The following TAX1BP1 variants were observed in gnomAD, a reference collection of about 807,000 sequenced individuals.
TAX1BP1 encodes the protein tax1-binding protein 1.
TAX1BP1 carries 62 observed loss-of-function variants against 97.7 expected under a neutral mutation model. The observed-to-expected ratio is 0.63, with a 90% CI of 0.52 to 0.78. TAX1BP1 has a LOEUF of 0.78. Among genes scored for constraint, TAX1BP1 ranks in the 30% least tolerant of loss-of-function variants. TAX1BP1 has a pLI of 0.00. For synonymous variants in TAX1BP1, 340 were observed against 304.2 expected (o/e 1.12, Z -1.23); for missense variants, 867 against 916.1 (o/e 0.95, Z 0.69).
chr7:27,799,753 A>C (rs1312826199), intron 12 of TAX1BP1, among the ~76,000 whole-genome samples: 1 of 152,160 alleles, frequency 6.6e-6, no homozygotes, highest in Non-Finnish European at 1.5e-5. Context: ...CAATTTGTAC[A>C]TCTGCCTTAT....
At chr7:27,764,537 T>G (rs535168989) in intron 3 of TAX1BP1, among the ~76,000 whole-genome samples, 1 of 152,338 alleles carries the variant, frequency 6.6e-6, no homozygotes, top group South Asian at 2.1e-4. Flanking sequence ...ATTGCTTGTT[T>G]AAGATTGTGT....
At position 27,757,999 on chromosome 7, in the gene TAX1BP1, A is replaced by T. The variant is rs533007487; in HGVS notation, c.163-32A>T. On this transcript the variant is annotated intron_variant, in intron 2 of 16. Coordinates refer to ENST00000396319, the MANE Select transcript of TAX1BP1 (RefSeq NM_006024.7). ...GAGCCTAATATTAAACTATTTGCTTATAAATCCGCCTTTTTTGTTATTTCC... is the reference window on the plus strand; with the variant it reads ...GAGCCTAATATTAAACTATTTGCTTTTAAATCCGCCTTTTTTGTTATTTCC... 1.4e-5 allele frequency: 21 copies of T among 1,482,832 alleles called. No individual in the cohort carries two copies. The Admixed American group carries it at 3.2e-4, about 23-fold the overall frequency. 91.9% of individuals were successfully genotyped at this position (1,482,832 alleles called of 1,614,324 possible). A position where few individuals can be genotyped will look rare whatever the true frequency, so the allele number is the denominator to read the frequency against.
rs1414516769 is a variant in TAX1BP1, at chr7:27,791,347, T to C, written c.1039-659T>C. Among the ~76,000 whole-genome samples the C allele has an allele frequency of 2.0e-5, 3 of 152,196 alleles. 1 individual carries two copies. The South Asian group carries it at 6.2e-4, about 31-fold the overall frequency. On this transcript the variant is annotated intron_variant, in intron 8 of 16. Coordinates refer to ENST00000396319, the MANE Select transcript of TAX1BP1 (RefSeq NM_006024.7). ...TTGTGTTTATAATGTTTAAATGTTA[T>C]AATGTTTAAACATTAATATTAAAGG...
At position 27,792,016 on chromosome 7, in the gene TAX1BP1, G is replaced by A; in HGVS notation, c.1049G>A (p.Cys350Tyr). Residue 350 changes from cysteine (C) to tyrosine (Y), a missense_variant, in exon 9 of 17, where the codon TGT becomes TAT. Around this residue, in one of 3 missense-constraint regions of TAX1BP1, gnomAD observed 822 missense variants for 851.4 expected, o/e 0.97. Coordinates refer to ENST00000396319, the MANE Select transcript of TAX1BP1 (RefSeq NM_006024.7). ...LLTTSSKEDT[C>Y]FLKEQLRKAE... ...ATCTGCTTTCTTCAGGAAGATACTTGTTTTTTAAAGGAGCAACTTCGTAAA... is the reference window on the plus strand; with the variant it reads ...ATCTGCTTTCTTCAGGAAGATACTTATTTTTTAAAGGAGCAACTTCGTAAA... 6.2e-7 allele frequency: 1 copy of A among 1,613,892 alleles called. No homozygotes were observed. The highest frequency in any genetic ancestry group is 8.5e-7 in the Non-Finnish European group (1 of 1,179,912).
chr7:27,773,572 T>C (rs565268618), intron 5 of TAX1BP1, among the ~76,000 whole-genome samples: 59 of 152,210 alleles, frequency 3.9e-4, no homozygotes, highest in African/African-American at 1.3e-3. Context: ...TGTGACTGGC[T>C]TATTTCACTT....
Position 27,758,062 on chromosome 7 carries a change from C to T in TAX1BP1, c.194C>T (p.Thr65Met), listed in dbSNP as rs1215987454. 11 of 1,611,536 alleles carry T rather than the reference C, an allele frequency of 6.8e-6. No homozygotes were observed. The highest frequency in any genetic ancestry group is 9.3e-6 in the Non-Finnish European group (11 of 1,178,930). ...TGGAGTACTGCTCGTGATTATTACA[C>T]GTTTTTATGGTCCCCTATGCCTGAA... ...VGWSTARDYYTFLWSPMPEHY... is the reference protein window; with the variant it reads ...VGWSTARDYYMFLWSPMPEHY... Residue 65 changes from threonine to methionine, a missense_variant, in exon 3 of 17, where the codon ACG becomes ATG. Physicochemically the swap from Thr to Met is moderately conservative, Grantham distance 81 (BLOSUM62 -1). Around this residue, in one of 3 missense-constraint regions of TAX1BP1, gnomAD observed 822 missense variants for 851.4 expected, o/e 0.97. Coordinates refer to ENST00000396319, the MANE Select transcript of TAX1BP1 (RefSeq NM_006024.7).
Position 27,754,766 on chromosome 7 carries a change from G to C in TAX1BP1, c.163-3265G>C, listed in dbSNP as rs1788148550. The stretch of plus-strand genomic sequence containing the variant: ...TTTTTTAAATTTTTTTTTATTTTTA[G>C]TAGAGACGGGGTTTCACCGTGTTAG... On this transcript the variant is annotated intron_variant, in intron 2 of 16. Coordinates refer to ENST00000396319, the MANE Select transcript of TAX1BP1 (RefSeq NM_006024.7). Among the ~76,000 whole-genome samples, 4 of 151,900 alleles carry C rather than the reference G, an allele frequency of 2.6e-5. No homozygotes were observed. In the South Asian group the frequency reaches 8.3e-4, roughly 32 times the overall value.
At chr7:27,822,880 T>C (rs1791031172) in intron 15 of TAX1BP1, among the ~76,000 whole-genome samples, 1 of 152,202 alleles carries the variant, frequency 6.6e-6, no homozygotes, top group African/African-American at 2.4e-5. Context: ...TTTAATTTAC[T>C]CGTATGTTTT....
In TAX1BP1 at chr7:27,748,607, C is replaced by T. The variant is rs200518839; in HGVS notation, c.83C>T (p.Pro28Leu). The change falls in exon 2 of 17, where the codon CCT becomes CTT. Residue 28 changes from proline to leucine, a missense_variant. Pro to Leu is a moderately conservative substitution (Grantham distance 98). Coordinates refer to ENST00000396319, the MANE Select transcript of TAX1BP1 (RefSeq NM_006024.7). The stretch of plus-strand genomic sequence containing the variant: ...CAAAATGTGGCCAAGAGTTACCTTC[C>T]TAATGCACACCTGGAATGTCATTAC... ...IFQNVAKSYL[P>L]NAHLECHYTL... 1 of 1,605,680 alleles carries T rather than the reference C, an allele frequency of 6.2e-7. No homozygotes were observed. Among genetic ancestry groups the T allele is most frequent in the African/African-American group, 1.3e-5 (1 of 74,746 alleles).
rs1782601226 is a variant in TAX1BP1, at chr7:27,829,139, A to G, written c.*310A>G. 1 of 231,710 alleles carries G rather than the reference A, an allele frequency of 4.3e-6. No individual in the cohort carries two copies. Among genetic ancestry groups the G allele is most frequent in the African/African-American group, 2.3e-5 (1 of 44,264 alleles). 14.4% of individuals were successfully genotyped at this position (231,710 alleles called of 1,614,324 possible). A position where few individuals can be genotyped will look rare whatever the true frequency, so the allele number is the denominator to read the frequency against. On this transcript the variant is annotated 3_prime_UTR_variant, in exon 17 of 17. Transcript: ENST00000396319. ...ACAAGGATTATTTCAATGTTACTGCACTGAAAAACGTGTATGTATTAGTGT... is the reference window on the plus strand; with the variant it reads ...ACAAGGATTATTTCAATGTTACTGCGCTGAAAAACGTGTATGTATTAGTGT...
chr7:27,773,434 G>A (rs117386138), intron 5 of TAX1BP1, among the ~76,000 whole-genome samples: 1 of 151,950 alleles, frequency 6.6e-6, no homozygotes, highest in African/African-American at 2.4e-5. Context: ...CTTACTTGTG[G>A]TTACTCTACC....
chr7:27,789,731 T>C (rs552960663), intron 8 of TAX1BP1, among the ~76,000 whole-genome samples: 1 of 151,974 alleles, frequency 6.6e-6, no homozygotes, highest in Non-Finnish European at 1.5e-5. Context: ...TTTTTAGTAA[T>C]TTGCTATTAA....
chr7:27,782,965 G>C (rs1789319169), intron 5 of TAX1BP1, among the ~76,000 whole-genome samples: 1 of 152,266 alleles, frequency 6.6e-6, no homozygotes, highest in South Asian at 2.1e-4. Flanking sequence ...CTAGATGAAT[G>C]ATTCATAATC....
At chr7:27,789,350 C>T (rs1789610286) in intron 8 of TAX1BP1, among the ~76,000 whole-genome samples, 1 of 151,726 alleles carries the variant, frequency 6.6e-6, no homozygotes, top group Non-Finnish European at 1.5e-5. Context: ...TTGCTTTGTT[C>T]AGAAGTCAAA....
chr7:27,822,826 T>C (rs1791028359), intron 15 of TAX1BP1, among the ~76,000 whole-genome samples: 1 of 152,214 alleles, frequency 6.6e-6, no homozygotes, highest in Admixed American at 6.5e-5. Context: ...ATTTTGTTGC[T>C]TATACTTTTG....
chr7:27,742,150 T>G (rs1465545009), intron 1 of TAX1BP1, among the ~76,000 whole-genome samples: 1 of 152,180 alleles, frequency 6.6e-6, no homozygotes, highest in African/African-American at 2.4e-5. Flanking sequence ...TTGTCTCAAC[T>G]GCAAGAGGCA....
intron 15 of TAX1BP1, among the ~76,000 whole-genome samples, chr7:27,817,687 T>C (rs1024000249): frequency 6.6e-6 from 1 of 152,218 alleles, no homozygotes. Flanking sequence ...CTTCAATATT[T>C]AATGAATAGG....
intron 13 of TAX1BP1, among the ~76,000 whole-genome samples, chr7:27,805,271 A>G (rs1790293038): frequency 6.6e-6 from 1 of 152,194 alleles, no homozygotes; most frequent in Non-Finnish European, 1.5e-5. Context: ...AAGGTTAAAC[A>G]TCTTATCTTT....
intron 3 of TAX1BP1, among the ~76,000 whole-genome samples, chr7:27,764,386 G>C (rs1220696855): frequency 6.6e-6 from 1 of 152,116 alleles, no homozygotes; most frequent in African/African-American, 2.4e-5. Context: ...TCTTGGTTTT[G>C]CTCGATGTTT....
Sources: allele counts gnomAD v4.1 joint callset (sites outside exome capture counted in the v4.1 genomes callset), GRCh38; gene constraint gnomAD v4.1.1; regional missense constraint gnomAD v4.1.1; transcripts MANE v1.5; gene names NCBI Gene and HGNC (gene_info 2026-07-23, HGNC 2026-07-21).